Variants in PTPRD observed in about 807,000 individuals in gnomAD.
PTPRD encodes receptor-type tyrosine-protein phosphatase delta.
Under a neutral mutation model 214.5 loss-of-function variants are expected in PTPRD, and 34 were observed. The ratio of observed to expected loss-of-function variants is 0.16; its 90% CI spans 0.12 to 0.21. PTPRD has a LOEUF of 0.21. PTPRD is among the 10% of genes least tolerant of loss of function. The pLI is 1.00. For missense variants in PTPRD, 2,545 were observed against 2,398.7 expected (o/e 1.06, Z -1.27); for synonymous variants, 1,128 against 845.7 (o/e 1.33, Z -5.79).
At chr9:8,684,458 T>G (rs888769382) in intron 12 of PTPRD, among the ~76,000 whole-genome samples, 2 of 149,016 alleles carry the variant, frequency 1.3e-5, no homozygotes, top group African/African-American at 5.2e-5. Context: ...ATACTCCTCT[T>G]TCCTTCAATG....
chr9:10,247,987 G>A (rs1420653777), intron 3 of PTPRD, among the ~76,000 whole-genome samples: 1 of 152,038 alleles, frequency 6.6e-6, no homozygotes, highest in Non-Finnish European at 1.5e-5. Context: ...ATAGTGAATA[G>A]GTCTCACAAG....
intron 3 of PTPRD, among the ~76,000 whole-genome samples, chr9:10,291,238 C>T (rs1347004117): frequency 6.6e-6 from 1 of 150,718 alleles, no homozygotes; most frequent in Non-Finnish European, 1.5e-5. Flanking sequence ...AGCCATCATG[C>T]AGTCACCAGG....
At chr9:8,325,976 T>C (rs1047169745) in intron 44 of PTPRD, among the ~76,000 whole-genome samples, 3 of 152,100 alleles carry the variant, frequency 2.0e-5, no homozygotes, top group Admixed American at 6.6e-5. Flanking sequence ...TGGGATGAGA[T>C]GATGGGGTTT....
chr9:9,753,438 A>T (rs1169553231), intron 6 of PTPRD, among the ~76,000 whole-genome samples: 2 of 152,080 alleles, frequency 1.3e-5, no homozygotes, highest in Non-Finnish European at 2.9e-5. Flanking sequence ...CTTGGTTGCA[A>T]AAATACCCTT....
intron 10 of PTPRD, among the ~76,000 whole-genome samples, chr9:9,181,307 T>G (rs73403452): frequency 0.058 from 8,784 of 151,994 alleles, 889 homozygotes; most frequent in African/African-American, 0.2. Context: ...GAAAATACAG[T>G]TAGAAAAAAA....
At chr9:10,205,632 C>G (rs2154337368) in intron 3 of PTPRD, among the ~76,000 whole-genome samples, 1 of 152,096 alleles carries the variant, frequency 6.6e-6, no homozygotes, top group African/African-American at 2.4e-5. Context: ...GTCTTGAACT[C>G]CAGACCTCAA....
chr9:9,869,978 A>G (rs1327566283), intron 5 of PTPRD, among the ~76,000 whole-genome samples: 2 of 152,190 alleles, frequency 1.3e-5, no homozygotes, highest in South Asian at 2.1e-4. Context: ...ATGTGTATAT[A>G]TGTATACAAA....
At chr9:9,802,901 T>A (rs1455349909) in intron 5 of PTPRD, among the ~76,000 whole-genome samples, 3 of 151,908 alleles carry the variant, frequency 2.0e-5, no homozygotes. Flanking sequence ...ATAATGCATA[T>A]AATTTGAGCT....
intron 11 of PTPRD, among the ~76,000 whole-genome samples, chr9:8,879,045 TG>T (rs888284742): frequency 6.6e-6 from 1 of 152,210 alleles, no homozygotes; most frequent in African/African-American, 2.4e-5. Context: ...TATTTTACTC[TG>T]GGTGAGAATG....
intron 10 of PTPRD, among the ~76,000 whole-genome samples, chr9:9,129,639 C>A (rs983625998): frequency 1.1e-4 from 17 of 152,132 alleles, no homozygotes; most frequent in Non-Finnish European, 1.9e-4. Context: ...GCCACTCCAA[C>A]AAAACTATAA....
At chr9:9,671,373 T>C (rs1276084752) in intron 7 of PTPRD, among the ~76,000 whole-genome samples, 2 of 152,176 alleles carry the variant, frequency 1.3e-5, no homozygotes, top group Non-Finnish European at 2.9e-5. Context: ...TACAGGCTCA[T>C]AGGCAGAAGG....
intron 2 of PTPRD, among the ~76,000 whole-genome samples, chr9:10,381,871 C>T (rs56819937): frequency 0.03 from 4,622 of 151,964 alleles, 224 homozygotes; most frequent in African/African-American, 0.11. Context: ...CTGTAGCTCT[C>T]AGTTTTCCCA....
chr9:10,605,527 C>A (rs1305577217), intron 2 of PTPRD, among the ~76,000 whole-genome samples: 1 of 151,698 alleles, frequency 6.6e-6, no homozygotes, highest in Non-Finnish European at 1.5e-5. Flanking sequence ...CCAAGAAATT[C>A]CAGTGGAAAA....
intron 3 of PTPRD, among the ~76,000 whole-genome samples, chr9:10,196,085 T>G (rs2099396885): frequency 6.6e-6 from 1 of 152,324 alleles, no homozygotes; most frequent in Middle Eastern, 3.4e-3. Context: ...TGGTAGTTCT[T>G]TCTATACACT....
At chr9:8,985,048 A>G (rs1213198537) in intron 11 of PTPRD, among the ~76,000 whole-genome samples, 3 of 152,084 alleles carry the variant, frequency 2.0e-5, no homozygotes, top group Admixed American at 6.6e-5. Flanking sequence ...AATTTTTAGA[A>G]TCTAGTTCAA....
intron 3 of PTPRD, among the ~76,000 whole-genome samples, chr9:10,042,945 T>G (rs2097324018): frequency 6.6e-6 from 1 of 151,958 alleles, no homozygotes; most frequent in Non-Finnish European, 1.5e-5. Context: ...GTTGAAGAGT[T>G]TAATCTAAGA....
chr9:8,542,346 T>C (rs933711351), intron 14 of PTPRD, among the ~76,000 whole-genome samples: 10 of 152,254 alleles, frequency 6.6e-5, no homozygotes, highest in African/African-American at 2.2e-4. Flanking sequence ...AGGCATGTTA[T>C]TTAGGATAGT....
intron 2 of PTPRD, among the ~76,000 whole-genome samples, chr9:10,541,257 A>G (rs2059037295): frequency 1.3e-5 from 2 of 152,184 alleles, no homozygotes; most frequent in African/African-American, 4.8e-5. Context: ...TTGATTAAAG[A>G]TATAATGAGA....
intron 4 of PTPRD, among the ~76,000 whole-genome samples, chr9:9,963,768 T>C (rs1481154027): frequency 6.6e-6 from 1 of 152,144 alleles, no homozygotes; most frequent in Non-Finnish European, 1.5e-5. Context: ...GAGATGAACT[T>C]ATGGCTTCAA....
Sources: allele counts gnomAD v4.1 joint callset (sites outside exome capture counted in the v4.1 genomes callset), GRCh38; gene constraint gnomAD v4.1.1; transcripts MANE v1.5; gene names NCBI Gene and HGNC (gene_info 2026-07-23, HGNC 2026-07-21).